Variants in AFF3 observed in about 807,000 individuals in gnomAD.
The protein encoded by AFF3 is AF4/FMR2 family member 3.
AFF3 carries 32 observed loss-of-function variants against 129.7 expected under a neutral mutation model. The observed-to-expected ratio is 0.25, with a 90% CI of 0.19 to 0.33. The LOEUF (loss-of-function observed/expected upper bound fraction) is 0.33, where lower values mean the gene tolerates loss of function less well. AFF3 is among the 10% of genes least tolerant of loss of function. AFF3 has a pLI of 1.00. For synonymous variants in AFF3, 644 were observed against 635.4 expected, an observed-to-expected ratio of 1.01 and a Z score of -0.20; for missense variants, 1,373 against 1,592.0, an observed-to-expected ratio of 0.86 and a Z score of 2.34.
At chr2:99,622,826 A>G (rs1021708249) in intron 13 of AFF3, among the ~76,000 whole-genome samples, 3 of 152,214 alleles carry the variant, frequency 2.0e-5, no homozygotes, top group Non-Finnish European at 4.4e-5. Context: ...ATGCAGAGTC[A>G]GGCCCTGGCT....
chr2:100,024,241 A>AG (rs1683849155), intron 4 of AFF3, among the ~76,000 whole-genome samples: 1 of 143,420 alleles, frequency 7.0e-6, no homozygotes, highest in African/African-American at 2.5e-5. Flanking sequence ...CAAAAAAAAA[A>AG]AAAAAAAAAA....
intron 13 of AFF3, among the ~76,000 whole-genome samples, chr2:99,633,429 G>A (rs372774707): frequency 3.6e-4 from 55 of 152,150 alleles, no homozygotes; most frequent in African/African-American, 1.3e-3. Context: ...GGTAGAAGGT[G>A]GCCAGGTAAG....
At chr2:99,820,870 CTTTTTTTTT>C (rs869085194) in intron 8 of AFF3, among the ~76,000 whole-genome samples, 1 of 101,710 alleles carries the variant, frequency 9.8e-6, no homozygotes. Flanking sequence ...TCCTCCACAT[CTTTTTTTTT>C]TTTTTTTTTT....
At chr2:99,827,173 C>T (rs566531743) in intron 8 of AFF3, among the ~76,000 whole-genome samples, 29 of 152,152 alleles carry the variant, frequency 1.9e-4, no homozygotes, top group Non-Finnish European at 3.8e-4. Flanking sequence ...GTTCAGGAAA[C>T]AGAGCTGTGT....
Position 99,707,144 on chromosome 2 carries a change from A to C in AFF3, c.1091+19933T>G, listed in dbSNP as rs1218619460. The C allele has an allele frequency of 4.1e-6, 4 of 985,332 alleles. No homozygotes were observed. The African/African-American group carries it at 7.0e-5, about 17-fold the overall frequency. The allele number at this position is 985,332 out of a possible 1,614,324, so 61.0% of individuals were successfully genotyped here. ...CTCCAGTTGTGGCTTAGCAAGTCAA[A>C]AACTAGTAAACTTGCCTGTAACAAC... On this transcript the variant is annotated intron_variant, in intron 11 of 24. Transcript: ENST00000672756.
chr2:99,884,087 T>A (rs2106032619), intron 7 of AFF3, among the ~76,000 whole-genome samples: 1 of 152,370 alleles, frequency 6.6e-6, no homozygotes, highest in Non-Finnish European at 1.5e-5. Context: ...ATGTTGTAAC[T>A]ACATTAGGAG....
rs117509958 is a variant in AFF3, at chr2:99,555,424, C to T, written c.3286-692G>A. Among the ~76,000 whole-genome samples the T allele has an allele frequency of 6.0e-4, 91 of 152,284 alleles. 1 individual carries two copies. The East Asian group carries it at 0.014, about 23-fold the overall frequency. ...AAGTATTTCTTCTTAAAGTAAGTTG[C>T]TGTTGCATATTCCTAATAGAATTGA... On this transcript the variant is annotated intron_variant, in intron 22 of 24. Coordinates refer to ENST00000672756, the MANE Select transcript of AFF3 (RefSeq NM_001386135.1).
chr2:99,592,814 T>C (rs922355897), intron 15 of AFF3, among the ~76,000 whole-genome samples: 7 of 151,838 alleles, frequency 4.6e-5, no homozygotes, highest in African/African-American at 7.3e-5. Context: ...TGGACACCTG[T>C]AATCCCAGAT....
At chr2:99,750,808 C>G (rs1486174243) in intron 9 of AFF3, among the ~76,000 whole-genome samples, 3 of 152,118 alleles carry the variant, frequency 2.0e-5, no homozygotes, top group Non-Finnish European at 4.4e-5. Flanking sequence ...TAGAGGCATT[C>G]AAAGAGGCAT....
intron 11 of AFF3, among the ~76,000 whole-genome samples, chr2:99,709,750 T>C (rs1034843865): frequency 2.0e-5 from 3 of 152,218 alleles, no homozygotes; most frequent in African/African-American, 7.2e-5. Flanking sequence ...CTTATTATTC[T>C]ATTTACTCCC....
chr2:100,108,683 G>A (rs555277718), intron 2 of AFF3, among the ~76,000 whole-genome samples: 5 of 152,220 alleles, frequency 3.3e-5, no homozygotes, highest in South Asian at 2.1e-4. Flanking sequence ...CCCCGGTCGA[G>A]GGCTGAGAAC....
chr2:99,555,258 G>C (rs1021395767), intron 22 of AFF3, among the ~76,000 whole-genome samples: 62 of 152,146 alleles, frequency 4.1e-4, no homozygotes, highest in African/African-American at 1.4e-3. Context: ...AAAAAGAGCA[G>C]GAACACCCTC....
intron 13 of AFF3, among the ~76,000 whole-genome samples, chr2:99,614,686 A>C (rs547651607): frequency 1.3e-5 from 2 of 152,312 alleles, no homozygotes; most frequent in East Asian, 3.9e-4. Context: ...GGAATTCCTG[A>C]GTTTATAGCA....
chr2:100,054,294 G>A (rs766300315), intron 4 of AFF3, among the ~76,000 whole-genome samples: 2 of 152,172 alleles, frequency 1.3e-5, no homozygotes, highest in African/African-American at 2.4e-5. Context: ...TTGGGCCATG[G>A]GGTGCCACAC....
rs559097862 is a variant in AFF3 at position 99,705,853 on chromosome 2, G to A, written c.1091+21224C>T. Among the ~76,000 whole-genome samples, 24 of 109,122 alleles carry A rather than the reference G, an allele frequency of 2.2e-4. No individual in the cohort carries two copies. The South Asian group carries it at 8.0e-3, about 37-fold the overall frequency. The allele number at this position is 109,122 out of a possible 152,430, so 71.6% of individuals were successfully genotyped here. On this transcript the variant is annotated intron_variant, in intron 11 of 24. Coordinates refer to ENST00000672756, the MANE Select transcript of AFF3 (RefSeq NM_001386135.1). ...CGTGTCATTGTACTCCAGCCTGGGT[G>A]ACAAGAGCAAAACTGCGCCTCAAAA... is the stretch of plus-strand genomic sequence containing the variant.
At chr2:99,882,629 T>C (rs2106024621) in intron 7 of AFF3, among the ~76,000 whole-genome samples, 1 of 152,356 alleles carries the variant, frequency 6.6e-6, no homozygotes, top group African/African-American at 2.4e-5. Context: ...GAGCATATCA[T>C]GACAGACAGG....
At chr2:99,865,494 G>A (rs956073509) in intron 7 of AFF3, among the ~76,000 whole-genome samples, 13 of 152,304 alleles carry the variant, frequency 8.5e-5, no homozygotes, top group African/African-American at 2.4e-4. Context: ...GAAAGATCTC[G>A]GTTAAGCTGG....
chr2:100,056,332 T>C (rs1686784667), intron 4 of AFF3, among the ~76,000 whole-genome samples: 1 of 152,214 alleles, frequency 6.6e-6, no homozygotes, highest in Admixed American at 6.5e-5. Flanking sequence ...GCTGCCTTAT[T>C]ATATGTTCAC....
At chr2:99,984,553 T>C (rs1001086981) in intron 7 of AFF3, among the ~76,000 whole-genome samples, 3 of 152,142 alleles carry the variant, frequency 2.0e-5, no homozygotes, top group Middle Eastern at 6.3e-3. Context: ...ATCAAAAACA[T>C]GCTACAGCTC....
Sources: gnomAD v4.1 joint callset for allele counts (sites outside exome capture counted in the v4.1 genomes callset) on GRCh38, gnomAD v4.1.1 for gene constraint, MANE v1.5 for transcripts, NCBI Gene and HGNC (gene_info 2026-07-23, HGNC 2026-07-21) for gene names.